The following AKAP6 variants were observed in gnomAD, a reference collection of about 807,000 sequenced individuals.
AKAP6 encodes A-kinase anchoring protein 6, also known as A-kinase anchor protein 6.
A neutral mutation model predicts 188.5 loss-of-function variants in AKAP6; 58 were observed. That is an observed-to-expected ratio of 0.31 (90% CI 0.25 to 0.38). AKAP6 has a LOEUF of 0.38. Among genes scored for constraint, AKAP6 ranks in the 10% least tolerant of loss-of-function variants. The probability of loss-of-function intolerance (pLI) is 1.00; values close to 1 mark genes in which losing one functional copy is unlikely to be tolerated. For synonymous variants in AKAP6, 989 were observed against 998.6 expected, an observed-to-expected ratio of 0.99 and a Z score of 0.18; for missense variants, 2,710 against 2,740.0, an observed-to-expected ratio of 0.99 and a Z score of 0.24.
At chr14:32,457,701 T>C (rs1044244584) in intron 2 of AKAP6, among the ~76,000 whole-genome samples, 2 of 152,166 alleles carry the variant, frequency 1.3e-5, no homozygotes, top group Admixed American at 1.3e-4. Context: ...AGACGGTGCC[T>C]GGTCTCCAGA....
chr14:32,608,228 C>T (rs116615250), intron 7 of AKAP6, among the ~76,000 whole-genome samples: 2,236 of 152,132 alleles, frequency 0.015, 48 homozygotes, highest in African/African-American at 0.045. Context: ...CATAGCAGAC[C>T]GAGCACAGTG....
At chr14:32,443,788 C>A (rs1401303997) in intron 2 of AKAP6, among the ~76,000 whole-genome samples, 1 of 152,160 alleles carries the variant, frequency 6.6e-6, no homozygotes, top group African/African-American at 2.4e-5. Context: ...CAGATACTTG[C>A]CTATATACTT....
At chr14:32,828,921 G>A (rs1268350656) in intron 13 of AKAP6, among the ~76,000 whole-genome samples, 2 of 152,170 alleles carry the variant, frequency 1.3e-5, no homozygotes, top group Non-Finnish European at 2.9e-5. Flanking sequence ...TGGCTCTTAA[G>A]TTGAAAGATT....
At chr14:32,727,735 A>G (rs1458388133) in intron 9 of AKAP6, among the ~76,000 whole-genome samples, 1 of 152,160 alleles carries the variant, frequency 6.6e-6, no homozygotes, top group African/African-American at 2.4e-5. Context: ...AATCAGGAAA[A>G]CCTATTATTA....
chr14:32,835,720 C>T lies in AKAP6; in HGVS notation c.*5915C>T, dbSNP rs1472332224. ...ACCCTGGTGTGGCCATAGGTGGACACTCTAATTAAAAAGAAGATGTTCAAA... is the reference window on the plus strand; with the variant it reads ...ACCCTGGTGTGGCCATAGGTGGACATTCTAATTAAAAAGAAGATGTTCAAA... On this transcript the variant is annotated 3_prime_UTR_variant, in exon 14 of 14. Transcript: ENST00000280979. 1.8e-4 allele frequency: 27 copies of T among 151,992 alleles called. No homozygotes were observed. Among genetic ancestry groups the T allele is most frequent in the Admixed American group, 1.8e-3 (27 of 15,218 alleles). The allele number at this position is 151,992 out of a possible 1,614,324, so 9.4% of individuals were successfully genotyped here. A position where few individuals can be genotyped will look rare whatever the true frequency, so the allele number is the denominator to read the frequency against.
intron 7 of AKAP6, among the ~76,000 whole-genome samples, chr14:32,619,142 C>T (rs1056768166): frequency 1.3e-5 from 2 of 151,006 alleles, no homozygotes; most frequent in African/African-American, 4.9e-5. Context: ...TCTGTTTACT[C>T]TGATGATTAT....
intron 11 of AKAP6, among the ~76,000 whole-genome samples, chr14:32,744,348 G>A (rs146761353): frequency 0.039 from 5,837 of 150,948 alleles, 441 homozygotes; most frequent in East Asian, 0.37. Context: ...ATGGAGTCTC[G>A]CTCTGTCACC....
At chr14:32,681,886 C>A (rs1594842268) in intron 8 of AKAP6, among the ~76,000 whole-genome samples, 2 of 151,898 alleles carry the variant, frequency 1.3e-5, no homozygotes, top group Admixed American at 1.3e-4. Context: ...CACCATGTTG[C>A]CCAGGCTGAA....
intron 2 of AKAP6, among the ~76,000 whole-genome samples, chr14:32,529,778 G>A (rs1882312834): frequency 6.6e-6 from 1 of 152,144 alleles, no homozygotes; most frequent in East Asian, 1.9e-4. Context: ...CTCTGCAATA[G>A]GAAGATTTTT....
At chr14:32,472,440 T>C (rs1594650525) in intron 2 of AKAP6, among the ~76,000 whole-genome samples, 2 of 152,162 alleles carry the variant, frequency 1.3e-5, no homozygotes, top group Admixed American at 6.5e-5. Flanking sequence ...TCAATAGAAG[T>C]GTTTTCTCTA....
At chr14:32,571,540 G>GAATA (rs1437558089) in intron 4 of AKAP6, among the ~76,000 whole-genome samples, 12 of 151,970 alleles carry the variant, frequency 7.9e-5, no homozygotes. Context: ...AAAAATAAAT[G>GAATA]AATAAATAAA....
At chr14:32,459,637 G>GA (rs754031698) in intron 2 of AKAP6, among the ~76,000 whole-genome samples, 175 of 117,362 alleles carry the variant, frequency 1.5e-3, no homozygotes, top group African/African-American at 3.2e-3. Context: ...TTACAAAAAG[G>GA]AAAAAAAAAA....
At chr14:32,561,644 AT>A (rs781457834) in intron 4 of AKAP6, among the ~76,000 whole-genome samples, 3 of 152,208 alleles carry the variant, frequency 2.0e-5, no homozygotes, top group Non-Finnish European at 4.4e-5. Context: ...GGAATGAGCC[AT>A]TCATGCTGCA....
intron 7 of AKAP6, among the ~76,000 whole-genome samples, chr14:32,641,078 A>C (rs1457622389): frequency 6.6e-6 from 1 of 152,122 alleles, no homozygotes; most frequent in African/African-American, 2.4e-5. Flanking sequence ...GAAATAGATT[A>C]CTGCTCTTCT....
rs2140155542 is a variant in AKAP6, at chr14:32,824,781, C to T, written c.*8C>T. 1 of 1,602,468 alleles carries T rather than the reference C, an allele frequency of 6.2e-7. No homozygotes were observed. Among genetic ancestry groups the T allele is most frequent in the Non-Finnish European group, 8.5e-7 (1 of 1,175,164 alleles). ...AGAAATATGCATAGGTAGAATGTAC[C>T]CCCTCCCCAAGCATGAAAATCATCT... is the stretch of plus-strand genomic sequence containing the variant. On this transcript the variant is annotated 3_prime_UTR_variant, in exon 13 of 14. Coordinates refer to ENST00000280979, the MANE Select transcript of AKAP6 (RefSeq NM_004274.5).
chr14:32,792,322 GA>G (rs1478120128), intron 12 of AKAP6, among the ~76,000 whole-genome samples: 2 of 152,128 alleles, frequency 1.3e-5, no homozygotes, highest in Non-Finnish European at 2.9e-5. Flanking sequence ...AGTTCTCCCT[GA>G]AGAGGACCTT....
intron 4 of AKAP6, among the ~76,000 whole-genome samples, chr14:32,573,658 A>T (rs8017259): frequency 0.79 from 120,913 of 152,148 alleles, 48,151 homozygotes; most frequent in East Asian, 0.9. Flanking sequence ...TAATAAATAT[A>T]TGTTAAATGA....
intron 7 of AKAP6, among the ~76,000 whole-genome samples, chr14:32,601,374 A>C (rs1212119229): frequency 6.6e-6 from 1 of 152,180 alleles, no homozygotes; most frequent in Non-Finnish European, 1.5e-5. Context: ...CGAATACAAC[A>C]AGTACTTTAA....
At chr14:32,531,749 A>G (rs1956997) in intron 2 of AKAP6, among the ~76,000 whole-genome samples, 35,001 of 152,158 alleles carry the variant, frequency 0.23, 4,692 homozygotes, top group East Asian at 0.37. Flanking sequence ...AGTGTGTAAC[A>G]TTTTGAGACT....
Sources: allele counts gnomAD v4.1 joint callset (sites outside exome capture counted in the v4.1 genomes callset), GRCh38; gene constraint gnomAD v4.1.1; transcripts MANE v1.5; gene names NCBI Gene and HGNC (gene_info 2026-07-23, HGNC 2026-07-21).